SLC18A2: variants seen among roughly 807,000 people sequenced by gnomAD.
SLC18A2 encodes the protein synaptic vesicular amine transporter.
SLC18A2 carries 33 observed loss-of-function variants against 59.2 expected under a neutral mutation model. That is an observed-to-expected ratio of 0.56 (90% confidence interval 0.42 to 0.75). The LOEUF (loss-of-function observed/expected upper bound fraction) is 0.75. Ranked by LOEUF, SLC18A2 falls within the 30% of genes least tolerant of loss-of-function variation. The probability of loss-of-function intolerance (pLI) is 0.00; values close to 1 mark genes in which losing one functional copy is unlikely to be tolerated. For missense variants in SLC18A2, 569 were observed against 668.6 expected, an observed-to-expected ratio of 0.85 and a Z score of 1.64; for synonymous variants, 228 against 253.5, an observed-to-expected ratio of 0.90 and a Z score of 0.95.
At chr10:117,262,959 A>G (rs1398779321) in intron 10 of SLC18A2, among the ~76,000 whole-genome samples, 1 of 152,228 alleles carries the variant, frequency 6.6e-6, no homozygotes, top group African/African-American at 2.4e-5. Context: ...AAAGTCAGCC[A>G]GAAGCCATGG....
At chr10:117,271,344 G>C (rs1028501134) in intron 15 of SLC18A2, among the ~76,000 whole-genome samples, 2 of 152,226 alleles carry the variant, frequency 1.3e-5, no homozygotes, top group African/African-American at 4.8e-5. Context: ...AGGTCTTTCT[G>C]ACAGTGGAAC....
chr10:117,242,646 G>A (rs1009259712), intron 2 of SLC18A2, among the ~76,000 whole-genome samples: 2 of 152,200 alleles, frequency 1.3e-5, no homozygotes, highest in Admixed American at 6.5e-5. Context: ...GCTTCGGCTC[G>A]AATGCTCCAT....
At chr10:117,264,059 C>T (rs1478114150) in intron 10 of SLC18A2, among the ~76,000 whole-genome samples, 3 of 152,186 alleles carry the variant, frequency 2.0e-5, no homozygotes, top group Admixed American at 6.5e-5. Context: ...CCTTTGCTTC[C>T]GGGGCTGGAT....
intron 10 of SLC18A2, among the ~76,000 whole-genome samples, chr10:117,258,849 C>G (rs1844259514): frequency 6.6e-6 from 1 of 151,244 alleles, no homozygotes; most frequent in Non-Finnish European, 1.5e-5. Flanking sequence ...TCACTGCAAC[C>G]TCTGCCTCCC....
chr10:117,252,998 T>A (rs1432721446), intron 3 of SLC18A2, among the ~76,000 whole-genome samples: 1 of 152,242 alleles, frequency 6.6e-6, no homozygotes, highest in Non-Finnish European at 1.5e-5. Flanking sequence ...TACTGCAGTC[T>A]GCCAGTGGAA....
chr10:117,278,594 C>CA lies in SLC18A2; in HGVS notation c.*1329dup, dbSNP rs1346318515. 5.3e-5 allele frequency: 8 copies of CA among 152,128 alleles called. No individual in the cohort carries two copies. The highest frequency in any genetic ancestry group is 2.6e-4 in the Admixed American group (4 of 15,274). 9.4% of individuals were successfully genotyped at this position (152,128 alleles called of 1,614,324 possible). A position where few individuals can be genotyped will look rare whatever the true frequency, so the allele number is the denominator to read the frequency against. On this transcript the variant is annotated 3_prime_UTR_variant, in exon 16 of 16. Coordinates refer to ENST00000644641, the MANE Select transcript of SLC18A2 (RefSeq NM_003054.6). ...TCTCTAATACTACTTGTGAATCCTG[C>CA]AGTTCTATAATCATAAACAAAAATT...
intron 4 of SLC18A2, 46 bp downstream of exon 4, chr10:117,253,503 G>T (rs1844186883): frequency 7.7e-7 from 1 of 1,303,984 alleles, no homozygotes; most frequent in Non-Finnish European, 1.1e-6. Flanking sequence ...TCATCAGGGT[G>T]GGCATTGATG....
At chr10:117,267,399 ACTTGTT>A (rs1844360624) in intron 12 of SLC18A2, 1 of 442,312 alleles carries the variant, frequency 2.3e-6, no homozygotes, top group Non-Finnish European at 4.0e-6. Context: ...CATGAGGCCT[ACTTGTT>A]CTTGTCAAAA....
chr10:117,258,948 T>A (rs950750998), intron 10 of SLC18A2, among the ~76,000 whole-genome samples: 1 of 152,110 alleles, frequency 6.6e-6, no homozygotes, highest in East Asian at 1.9e-4. Flanking sequence ...ACCCCCTTTT[T>A]AAAAATTTTC....
chr10:117,270,736 G>A (rs1844415610), intron 15 of SLC18A2, among the ~76,000 whole-genome samples: 1 of 152,140 alleles, frequency 6.6e-6, no homozygotes, highest in Admixed American at 6.5e-5. Flanking sequence ...TATAAACCTG[G>A]AATCATTCAA....
Position 117,251,226 on chromosome 10 carries a change from C to T in SLC18A2, c.465-2173C>T, listed in dbSNP as rs527677812. Among the ~76,000 whole-genome samples the T allele has an allele frequency of 1.1e-3, 173 of 152,238 alleles. 1 individual carries two copies. The highest frequency in any genetic ancestry group is 3.7e-3 in the African/African-American group (155 of 41,524). On this transcript the variant is annotated intron_variant, in intron 3 of 15. Coordinates refer to ENST00000644641, the MANE Select transcript of SLC18A2 (RefSeq NM_003054.6). ...AGCCTGTGTTTATTCCAGGACAGCC[C>T]GGAAGATTGTCATATGCCCGTTCTT... is the stretch of plus-strand genomic sequence containing the variant.
intron 15 of SLC18A2, among the ~76,000 whole-genome samples, chr10:117,270,889 G>C (rs1002733465): frequency 6.6e-5 from 10 of 152,110 alleles, no homozygotes; most frequent in African/African-American, 2.4e-4. Context: ...TGTCTTTACT[G>C]TATGTAGGAT....
At chr10:117,255,236 A>T (rs1233906259) in intron 6 of SLC18A2, 41 bp from the exon 7 acceptor site, 1 of 1,539,650 alleles carries the variant, frequency 6.5e-7, no homozygotes, top group East Asian at 2.2e-5. Flanking sequence ...GGGAGAGGGC[A>T]TGTGTCCCAG....
intron 15 of SLC18A2, among the ~76,000 whole-genome samples, chr10:117,272,546 T>G (rs555891549): frequency 3.9e-5 from 6 of 152,300 alleles, no homozygotes; most frequent in African/African-American, 1.4e-4. Context: ...TTTCCCCATT[T>G]AAACGAATAC....
chr10:117,277,296 T>A lies in SLC18A2; in HGVS notation c.*30T>A. 1 of 1,376,498 alleles carries A rather than the reference T, an allele frequency of 7.3e-7. No homozygotes were observed. Among genetic ancestry groups the A allele is most frequent in the Non-Finnish European group, 1.0e-6 (1 of 969,190 alleles). The allele number at this position is 1,376,498 out of a possible 1,614,324, so 85.3% of individuals were successfully genotyped here. On this transcript the variant is annotated 3_prime_UTR_variant, in exon 16 of 16. Coordinates refer to ENST00000644641, the MANE Select transcript of SLC18A2 (RefSeq NM_003054.6). The stretch of plus-strand genomic sequence containing the variant: ...AGATCCTCAAAAATCATCAAAGTGT[T>A]TAATTGTATAAAACAGTGTTTCCAG...
chr10:117,264,018 A>G (rs1840576090), intron 10 of SLC18A2, among the ~76,000 whole-genome samples: 1 of 152,106 alleles, frequency 6.6e-6, no homozygotes, highest in Non-Finnish European at 1.5e-5. Flanking sequence ...GGTCATCTTG[A>G]GCTTGGAGGA....
chr10:117,254,198 G>C (rs1844199726), intron 5 of SLC18A2, 67 bp downstream of exon 5: 1 of 1,496,626 alleles, frequency 6.7e-7, no homozygotes, highest in African/African-American at 1.4e-5. Context: ...CTCATTCAGG[G>C]AATTCAGGTA....
rs1255054565 is a variant in SLC18A2, at chr10:117,243,968, C to T, written c.122-3C>T. The T allele has an allele frequency of 3.1e-6, 5 of 1,609,826 alleles. No homozygotes were observed. In the African/African-American group the frequency reaches 4.0e-5, roughly 13 times the overall value. On this transcript the variant is annotated splice_region_variant and splice_polypyrimidine_tract_variant and intron_variant, in intron 2 of 15. Transcript: ENST00000644641. ...CACCTTGCCATTCTGCTCTTATCCCCAGTCCCCATCATCCCAAGTTATCTG... is the reference window on the plus strand; with the variant it reads ...CACCTTGCCATTCTGCTCTTATCCCTAGTCCCCATCATCCCAAGTTATCTG...
intron 1 of SLC18A2, 115 bp from the exon 2 acceptor site, chr10:117,241,564 G>A (rs1844052639): frequency 8.7e-7 from 1 of 1,154,900 alleles, no homozygotes; most frequent in East Asian, 3.2e-5. Context: ...GCGCCCGGGG[G>A]TGTCCCCGGA....
Sources: allele counts gnomAD v4.1 joint callset (sites outside exome capture counted in the v4.1 genomes callset), GRCh38; gene constraint gnomAD v4.1.1; transcripts MANE v1.5; gene names NCBI Gene and HGNC (gene_info 2026-07-23, HGNC 2026-07-21).